Variants in ZNF721 observed in about 807,000 individuals in gnomAD.
ZNF721 encodes zinc finger protein 721.
ZNF721 carries 2 observed loss-of-function variants against 2.4 expected under a neutral mutation model. That is an observed-to-expected ratio of 0.82 (90% CI 0.34 to 2.58). ZNF721 has a LOEUF of 2.58. Among genes scored for constraint, ZNF721 ranks in the 30% most tolerant of loss-of-function variants. The pLI, the probability that ZNF721 is intolerant of heterozygous loss-of-function variation, is 0.11. For synonymous variants in ZNF721, 398 were observed against 381.8 expected, an observed-to-expected ratio of 1.04 and a Z score of -0.50; for missense variants, 1,187 against 1,085.5, an observed-to-expected ratio of 1.09 and a Z score of -1.31.
At chr4:467,741 T>C (rs959271413) in intron 2 of ZNF721, among the ~76,000 whole-genome samples, 3 of 152,216 alleles carry the variant, frequency 2.0e-5, no homozygotes, top group African/African-American at 7.2e-5. Flanking sequence ...CTGGCCTCAG[T>C]TGTGCTCCTT....
At chr4:487,008 G>A (rs782748218) in intron 1 of ZNF721, among the ~76,000 whole-genome samples, 34 of 152,308 alleles carry the variant, frequency 2.2e-4, no homozygotes, top group Admixed American at 1.7e-3. Flanking sequence ...AGGTGCATGG[G>A]CTTCAGAGTC....
intron 2 of ZNF721, among the ~76,000 whole-genome samples, chr4:444,818 G>T (rs900664331): frequency 1.3e-5 from 2 of 152,066 alleles, no homozygotes; most frequent in African/African-American, 4.8e-5. Flanking sequence ...CTGGCTTTTG[G>T]GGTCTTTACA....
chr4:491,099 G>C (rs1375417669), intron 1 of ZNF721, among the ~76,000 whole-genome samples: 2 of 152,126 alleles, frequency 1.3e-5, no homozygotes, highest in Non-Finnish European at 2.9e-5. Context: ...ACTGACACGT[G>C]CATCCTTACT....
chr4:490,198 C>T (rs1458867349), intron 1 of ZNF721, among the ~76,000 whole-genome samples: 6 of 143,810 alleles, frequency 4.2e-5, no homozygotes, highest in South Asian at 2.6e-4. Context: ...CACAAACAGC[C>T]GGGTGCGGTG....
rs1402419216 is a variant in ZNF721 at position 477,563 on chromosome 4, A to G, written c.-93-4862T>C. Among the ~76,000 whole-genome samples the G allele has an allele frequency of 2.6e-5, 4 of 152,056 alleles. No homozygotes were observed. The East Asian group carries it at 7.7e-4, about 29-fold the overall frequency. On this transcript the variant is annotated intron_variant, in intron 1 of 2. Coordinates refer to ENST00000511833, the MANE Select transcript of ZNF721 (RefSeq NM_133474.4). ...CATTAATGAGTTATCTCATATCACC[A>G]GGAAGTAGTTACAGAAGACCCACAG...
chr4:466,645 T>G (rs1046675233), intron 2 of ZNF721, among the ~76,000 whole-genome samples: 2 of 152,196 alleles, frequency 1.3e-5, no homozygotes, highest in African/African-American at 2.4e-5. Context: ...ATTTGTAGAT[T>G]AAACTGCGAT....
chr4:446,919 T>C (rs1035943710), intron 2 of ZNF721, among the ~76,000 whole-genome samples: 9 of 150,468 alleles, frequency 6.0e-5, no homozygotes, highest in Non-Finnish European at 1.3e-4. Flanking sequence ...TCGATCTCTT[T>C]ACGTAATCCG....
At chr4:462,576 C>G (rs945811878) in intron 2 of ZNF721, among the ~76,000 whole-genome samples, 3 of 152,154 alleles carry the variant, frequency 2.0e-5, no homozygotes, top group East Asian at 1.9e-4. Context: ...TGGAACAGAA[C>G]AGATGCCTCA....
At chr4:456,164 G>T (rs920707285) in intron 2 of ZNF721, among the ~76,000 whole-genome samples, 25 of 152,028 alleles carry the variant, frequency 1.6e-4, no homozygotes, top group African/African-American at 6.0e-4. Flanking sequence ...TCCGCCTCCC[G>T]GGTTCAAGTG....
At chr4:454,490 G>A (rs797031603) in intron 2 of ZNF721, among the ~76,000 whole-genome samples, 4 of 152,196 alleles carry the variant, frequency 2.6e-5, no homozygotes, top group African/African-American at 7.2e-5. Context: ...GGAGGGGTTT[G>A]AGCCTTACTG....
intron 1 of ZNF721, among the ~76,000 whole-genome samples, chr4:482,001 ATAATTT>A (rs1715783096): frequency 6.6e-6 from 1 of 152,252 alleles, no homozygotes; most frequent in Non-Finnish European, 1.5e-5. Flanking sequence ...GGCATTATAT[ATAATTT>A]TAATAGGAAA....
intron 1 of ZNF721, among the ~76,000 whole-genome samples, chr4:474,973 G>C (rs997635949): frequency 2.6e-5 from 4 of 152,020 alleles, no homozygotes; most frequent in Non-Finnish European, 4.4e-5. Context: ...TGGATCACGA[G>C]GTCCGGAGAT....
chr4:473,253 G>C (rs1210540824), intron 1 of ZNF721, among the ~76,000 whole-genome samples: 1 of 152,132 alleles, frequency 6.6e-6, no homozygotes, highest in Non-Finnish European at 1.5e-5. Flanking sequence ...GAGTCCATGA[G>C]TTAGCGTCTT....
intron 1 of ZNF721, among the ~76,000 whole-genome samples, chr4:495,083 T>C (rs1716115900): frequency 6.6e-6 from 1 of 151,546 alleles, no homozygotes; most frequent in African/African-American, 2.4e-5. Flanking sequence ...GAGGTTTCAC[T>C]GTGTTAGCCA....
chr4:459,547 G>A (rs1714950940), intron 2 of ZNF721, among the ~76,000 whole-genome samples: 1 of 147,876 alleles, frequency 6.8e-6, no homozygotes, highest in Admixed American at 6.7e-5. Context: ...AAAACAGAAG[G>A]GGTCAGGTGC....
At position 440,350 on chromosome 4, in the gene ZNF721, TG is replaced by T. The variant is rs1231056562; in HGVS notation, c.*1344del. ...CATGCTTTCACATAAATGAGAATGT[TG>T]AAATAGTATAATTTTAGAGTTGAAT... is the stretch of plus-strand genomic sequence containing the variant. On this transcript the variant is annotated 3_prime_UTR_variant, in exon 3 of 3. Coordinates refer to ENST00000511833, the MANE Select transcript of ZNF721 (RefSeq NM_133474.4). 6.6e-6 allele frequency: 1 copy of T among 152,236 alleles called. No individual in the cohort carries two copies. Among genetic ancestry groups the T allele is most frequent in the Admixed American group, 6.5e-5 (1 of 15,284 alleles). 9.4% of individuals were successfully genotyped at this position (152,236 alleles called of 1,614,324 possible).
intron 1 of ZNF721, among the ~76,000 whole-genome samples, chr4:477,534 G>A (rs912430750): frequency 1.3e-5 from 2 of 152,012 alleles, no homozygotes; most frequent in African/African-American, 2.4e-5. Flanking sequence ...CACCGTGCCC[G>A]GCGCATTAAT....
At chr4:466,166 C>G (rs1212213816) in intron 2 of ZNF721, among the ~76,000 whole-genome samples, 2 of 150,668 alleles carry the variant, frequency 1.3e-5, no homozygotes. Flanking sequence ...TTTCCTTTAC[C>G]TAATGATTTC....
In ZNF721 at chr4:440,222, G is replaced by C. The variant is rs1420549035; in HGVS notation, c.*1473C>G. The C allele has an allele frequency of 6.6e-6, 1 of 152,026 alleles. No homozygotes were observed. The highest frequency in any genetic ancestry group is 2.4e-5 in the African/African-American group (1 of 41,390). The allele number at this position is 152,026 out of a possible 1,614,324, so 9.4% of individuals were successfully genotyped here. A position where few individuals can be genotyped will look rare whatever the true frequency, so the allele number is the denominator to read the frequency against. On this transcript the variant is annotated 3_prime_UTR_variant, in exon 3 of 3. Coordinates refer to ENST00000511833, the MANE Select transcript of ZNF721 (RefSeq NM_133474.4). ...AAAGCCTCTCTGCTCAGATTTTCCT[G>C]GTGCATCTTTTATTTCTCTTCTCTT...
Sources: gnomAD v4.1 joint callset for allele counts (sites outside exome capture counted in the v4.1 genomes callset) on GRCh38, gnomAD v4.1.1 for gene constraint, MANE v1.5 for transcripts, NCBI Gene and HGNC (gene_info 2026-07-23, HGNC 2026-07-21) for gene names.